The following CFI variants were observed in gnomAD, a reference collection of about 807,000 sequenced individuals.
CFI encodes the protein C3B/C4B inactivator.
In CFI, 66 loss-of-function variants were observed where a neutral mutation model predicts 78.8. The observed-to-expected ratio is 0.84, with a 90% confidence interval of 0.69 to 1.03. The LOEUF (loss-of-function observed/expected upper bound fraction) is 1.03, where lower values mean the gene tolerates loss of function less well. Among genes scored for constraint, CFI ranks in the 50% least tolerant of loss-of-function variants. The probability of loss-of-function intolerance (pLI) is 0.00; values close to 1 mark genes in which losing one functional copy is unlikely to be tolerated. For missense variants in CFI, 706 were observed against 704.5 expected (o/e 1.00, Z -0.02); for synonymous variants, 250 against 232.6 (o/e 1.07, Z -0.68).
chr4:109,759,113 A>G (rs1486119512), intron 6 of CFI, among the ~76,000 whole-genome samples: 1 of 152,116 alleles, frequency 6.6e-6, no homozygotes, highest in African/African-American at 2.4e-5. Context: ...AATAAAAAGA[A>G]TTCTTGCCTA....
In CFI at chr4:109,760,614, A is replaced by G; in HGVS notation, c.681T>C (p.Phe227=). 1 of 1,603,768 alleles carries G rather than the reference A, an allele frequency of 6.2e-7. No individual in the cohort carries two copies. Reference sequence around the variant, plus strand: ...AAATGTATTTCCCATTCACACACTGAAAGAAGTCATCCATTGGAGAATCTG... The same window carrying G: ...AAATGTATTTCCCATTCACACACTGGAAGAAGTCATCCATTGGAGAATCTG... The part of the protein sequence containing the change: ...QKADSPMDDF[F]QCVNGKYISQ... The change falls in exon 5 of 13, where the codon TTT becomes TTC. Residue 227 remains phenylalanine, a synonymous_variant. Transcript: ENST00000394634.
At chr4:109,768,536 T>C (rs1312263812) in intron 1 of CFI, among the ~76,000 whole-genome samples, 1 of 152,090 alleles carries the variant, frequency 6.6e-6, no homozygotes, top group East Asian at 1.9e-4. Context: ...GGCATAAAAT[T>C]AATGAGAGCT....
the CFI span, among the ~76,000 whole-genome samples, chr4:109,734,759 G>A: frequency 3.3e-5 from 5 of 152,098 alleles, no homozygotes; most frequent in Non-Finnish European, 5.9e-5. Flanking sequence ...AGCTGAGATC[G>A]TGCCACTGCA....
chr4:109,787,995 G>A (rs1054461131), intron 1 of CFI, among the ~76,000 whole-genome samples: 3 of 151,888 alleles, frequency 2.0e-5, no homozygotes, highest in Admixed American at 2.0e-4. Context: ...CACTTCAGAG[G>A]CAACCACTTA....
chr4:109,777,709 CA>C (rs1186710886), intron 1 of CFI, among the ~76,000 whole-genome samples: 1 of 152,110 alleles, frequency 6.6e-6, no homozygotes, highest in African/African-American at 2.4e-5. Flanking sequence ...ACACTTATTC[CA>C]AAACTGACCA....
intron 1 of CFI, 127 bp downstream of exon 1, chr4:109,801,788 A>G: frequency 1.6e-6 from 1 of 641,634 alleles, no homozygotes; most frequent in South Asian, 2.1e-5. Context: ...CTGACTATAG[A>G]GTGGCATTGT....
chr4:109,779,502 G>A (rs199650678), intron 1 of CFI, among the ~76,000 whole-genome samples: 1 of 152,070 alleles, frequency 6.6e-6, no homozygotes, highest in African/African-American at 2.4e-5. Context: ...ACAAATGGAG[G>A]AACATTCCAT....
rs200058612 is a variant in CFI, at chr4:109,745,255, TCACTG to T, written c.1429+962_1429+966del. ...TAGACTGCAGTAGCACAATCATGGCTCACTGCAACCTCAACCTCCCGGGCTCAAGT... is the reference window on the plus strand; with the variant it reads ...TAGACTGCAGTAGCACAATCATGGCTCAACCTCAACCTCCCGGGCTCAAGT... On this transcript the variant is annotated intron_variant, in intron 11 of 12. Transcript: ENST00000394634. Among the ~76,000 whole-genome samples, 146 of 152,314 alleles carry T rather than the reference TCACTG, an allele frequency of 9.6e-4. 2 individuals are homozygous for T. The East Asian group carries it at 0.024, about 25-fold the overall frequency.
intron 1 of CFI, among the ~76,000 whole-genome samples, chr4:109,798,862 A>T (rs192166488): frequency 1.1e-3 from 165 of 150,068 alleles, no homozygotes; most frequent in Middle Eastern, 6.8e-3. Flanking sequence ...ATTTAGACAG[A>T]GATTTCCTTC....
At chr4:109,787,823 T>C (rs1364974518) in intron 1 of CFI, among the ~76,000 whole-genome samples, 2 of 152,086 alleles carry the variant, frequency 1.3e-5, no homozygotes, top group Non-Finnish European at 2.9e-5. Flanking sequence ...GTCTTGTTTT[T>C]TTCATAATGA....
At chr4:109,760,934 C>A (rs571123293) in intron 4 of CFI, among the ~76,000 whole-genome samples, 1 of 152,212 alleles carries the variant, frequency 6.6e-6, no homozygotes, top group Non-Finnish European at 1.5e-5. Context: ...TGGTTTCCAC[C>A]CATTTCTTTC....
intron 8 of CFI, among the ~76,000 whole-genome samples, chr4:109,750,137 C>T (rs1724971796): frequency 6.6e-6 from 1 of 152,022 alleles, no homozygotes; most frequent in South Asian, 2.1e-4. Flanking sequence ...GCTGGGATTA[C>T]AGGCGCCCAC....
chr4:109,745,170 C>CT (rs778990689), intron 11 of CFI, among the ~76,000 whole-genome samples: 24 of 152,074 alleles, frequency 1.6e-4, no homozygotes, highest in African/African-American at 3.9e-4. Flanking sequence ...GTTAAATCTT[C>CT]CTTTTTTTCT....
chr4:109,788,701 T>C (rs1448621050), intron 1 of CFI, among the ~76,000 whole-genome samples: 2 of 152,008 alleles, frequency 1.3e-5, no homozygotes, highest in Non-Finnish European at 2.9e-5. Flanking sequence ...AAAGGAATAA[T>C]GAATTATGAA....
intron 1 of CFI, among the ~76,000 whole-genome samples, chr4:109,786,866 C>A (rs1368461147): frequency 6.6e-6 from 1 of 151,928 alleles, no homozygotes; most frequent in Non-Finnish European, 1.5e-5. Flanking sequence ...TGCCTATAGC[C>A]CCTCCTTGTT....
In CFI at chr4:109,741,959, G is replaced by A. The variant is rs34721269; in HGVS notation, c.1534+532C>T. On this transcript the variant is annotated intron_variant, in intron 12 of 12. Transcript: ENST00000394634. ...CCATGTTATCAAAGGAGTCCGTGGCGTAAGAAATGCGCTGTGATTTCCATG... is the reference window on the plus strand; with the variant it reads ...CCATGTTATCAAAGGAGTCCGTGGCATAAGAAATGCGCTGTGATTTCCATG... 41 of 160,994 alleles carry A rather than the reference G, an allele frequency of 2.5e-4. No individual in the cohort carries two copies. In the East Asian group the frequency reaches 4.6e-3, roughly 18 times the overall value. The allele number at this position is 160,994 out of a possible 1,614,324, so 10.0% of individuals were successfully genotyped here.
chr4:109,775,750 G>A (rs1019403222), intron 1 of CFI, among the ~76,000 whole-genome samples: 13 of 152,168 alleles, frequency 8.5e-5, no homozygotes, highest in Non-Finnish European at 1.6e-4. Flanking sequence ...CCTCCCAGTA[G>A]GAGCTGACTG....
chr4:109,764,568 T>G lies in CFI; in HGVS notation c.451A>C (p.Asn151His), dbSNP rs1727489930. ...AACCCAAGGTCAAGGCAGGCCACGTTGGCTTCCCTCATGCTCCAGCTGCTT... is the reference window on the plus strand; with the variant it reads ...AACCCAAGGTCAAGGCAGGCCACGTGGGCTTCCCTCATGCTCCAGCTGCTT... The part of the protein sequence containing the change: ...CKSSWSMREA[N>H]VACLDLGFQQ... The change falls in exon 3 of 13, where the codon AAC becomes CAC. Residue 151 changes from asparagine (N) to histidine (H), a missense_variant. Asn to His is a moderately conservative substitution (Grantham distance 68). Transcript: ENST00000394634. 6.2e-7 allele frequency: 1 copy of G among 1,614,080 alleles called. No homozygotes were observed. Among genetic ancestry groups the G allele is most frequent in the Admixed American group, 1.7e-5 (1 of 60,000 alleles).
intron 1 of CFI, among the ~76,000 whole-genome samples, chr4:109,778,969 G>A (rs1412838973): frequency 1.3e-5 from 2 of 152,096 alleles, no homozygotes; most frequent in Admixed American, 6.6e-5. Flanking sequence ...ACTAGGTATT[G>A]ATGGGACGTA....
Sources: gnomAD v4.1 joint callset for allele counts (sites outside exome capture counted in the v4.1 genomes callset) on GRCh38, gnomAD v4.1.1 for gene constraint, MANE v1.5 for transcripts, NCBI Gene and HGNC (gene_info 2026-07-23, HGNC 2026-07-21) for gene names.